The following ANKRD13A variants were observed in gnomAD, a reference collection of about 807,000 sequenced individuals.
ANKRD13A encodes ankyrin repeat domain 13A, also known as ankyrin repeat domain-containing protein 13A.
ANKRD13A carries 48 observed loss-of-function variants against 81.3 expected under a neutral mutation model. That is an observed-to-expected ratio of 0.59 (90% confidence interval 0.47 to 0.75). ANKRD13A has a LOEUF of 0.75. Ranked by LOEUF, ANKRD13A falls within the 30% of genes least tolerant of loss-of-function variation. The pLI, the probability that ANKRD13A is intolerant of heterozygous loss-of-function variation, is 0.00. For synonymous variants in ANKRD13A, 230 were observed against 270.1 expected (o/e 0.85, Z 1.45); for missense variants, 612 against 734.0 (o/e 0.83, Z 1.92).
chr12:110,014,785 T>G (rs1593207551), intron 3 of ANKRD13A, among the ~76,000 whole-genome samples: 1 of 145,348 alleles, frequency 6.9e-6, no homozygotes, highest in Non-Finnish European at 1.5e-5. Context: ...CTAGCATTTC[T>G]CTTCTTTTTT....
At position 110,036,361 on chromosome 12, in the gene ANKRD13A, G is replaced by C. The variant is rs556720607; in HGVS notation, c.1577+33G>C. 6.2e-7 allele frequency: 1 copy of C among 1,607,680 alleles called. No homozygotes were observed. The highest frequency in any genetic ancestry group is 1.1e-5 in the South Asian group (1 of 90,908). Reference sequence around the variant, plus strand: ...ACTGACGTGACTCTGGAATAAACCAGGGTGAACACAGGCCTGGACACAGGC... The same window carrying C: ...ACTGACGTGACTCTGGAATAAACCACGGTGAACACAGGCCTGGACACAGGC... On this transcript the variant is annotated intron_variant, in intron 14 of 14. Coordinates refer to ENST00000261739, the MANE Select transcript of ANKRD13A (RefSeq NM_033121.2). The surrounding 1 kb of genome is among the most constrained non-coding windows in gnomAD (Gnocchi z 4.6).
In ANKRD13A at chr12:110,028,500, CT is replaced by C; in HGVS notation, c.946-11del. 1 of 1,613,812 alleles carries C rather than the reference CT, an allele frequency of 6.2e-7. No individual in the cohort carries two copies. Among genetic ancestry groups the C allele is most frequent in the African/African-American group, 1.3e-5 (1 of 75,044 alleles). ...TTGGCATTTCTGACTCTCCTGAGTT[CT>C]GGCTCAGCAGGACCTCACCACGGAA... On this transcript the variant is annotated splice_polypyrimidine_tract_variant and intron_variant, in intron 9 of 14. Coordinates refer to ENST00000261739, the MANE Select transcript of ANKRD13A (RefSeq NM_033121.2).
intron 1 of ANKRD13A, among the ~76,000 whole-genome samples, chr12:110,002,784 G>A (rs1001996126): frequency 9.2e-5 from 14 of 152,048 alleles, no homozygotes; most frequent in African/African-American, 3.1e-4. Context: ...TTTTTTCCAG[G>A]TTTTTTGTTC....
chr12:110,015,523 A>G lies in ANKRD13A; in HGVS notation c.355-865A>G, dbSNP rs567035920. On this transcript the variant is annotated intron_variant, in intron 3 of 14. Coordinates refer to ENST00000261739, the MANE Select transcript of ANKRD13A (RefSeq NM_033121.2). ...CAGGTTTGACTTTTATCCCCCTCCA[A>G]TCCTCTTATTCTCTTGCTTTCTGTT... Among the ~76,000 whole-genome samples, 4 of 152,072 alleles carry G rather than the reference A, an allele frequency of 2.6e-5. No homozygotes were observed. The South Asian group carries it at 8.3e-4, about 32-fold the overall frequency.
chr12:110,019,281 C>A lies in ANKRD13A; in HGVS notation c.687C>A (p.Ser229Arg). 1 of 1,613,834 alleles carries A rather than the reference C, an allele frequency of 6.2e-7. No homozygotes were observed. Among genetic ancestry groups the A allele is most frequent in the Non-Finnish European group, 8.5e-7 (1 of 1,179,794 alleles). The change falls in exon 6 of 15, where the codon AGC becomes AGA. Residue 229 changes from serine to arginine, a missense_variant. Physicochemically the swap from Ser to Arg is moderately radical, Grantham distance 110. Transcript: ENST00000261739. The part of the protein sequence containing the change: ...KSREVERRLT[S>R]PVINTSLDTK... ...GGGAAGTTGAGCGGCGGCTCACAAGCCCTGTCATTAACACCAGCCTCGATA... is the reference window on the plus strand; with the variant it reads ...GGGAAGTTGAGCGGCGGCTCACAAGACCTGTCATTAACACCAGCCTCGATA...
At chr12:110,009,392 T>C (rs1384965652) in intron 1 of ANKRD13A, among the ~76,000 whole-genome samples, 2 of 152,298 alleles carry the variant, frequency 1.3e-5, no homozygotes, top group Admixed American at 6.5e-5. Context: ...ATAGTTTTCT[T>C]TTATAATCCT....
rs755127508 is a variant in ANKRD13A, at chr12:110,025,826, A to G, written c.883+3A>G. On this transcript the variant is annotated splice_donor_region_variant and intron_variant, in intron 8 of 14. Coordinates refer to ENST00000261739, the MANE Select transcript of ANKRD13A (RefSeq NM_033121.2). The stretch of plus-strand genomic sequence containing the variant: ...GGAGGAAAAAAAGAGATATAAAGGT[A>G]ATCACCACCACCCTCCCACCTCCTG... The G allele has an allele frequency of 3.2e-5, 51 of 1,612,006 alleles. No individual in the cohort carries two copies. In the East Asian group the frequency reaches 1.0e-3, roughly 32 times the overall value.
intron 1 of ANKRD13A, among the ~76,000 whole-genome samples, chr12:110,010,944 A>T (rs543099571): frequency 6.6e-6 from 1 of 152,288 alleles, no homozygotes; most frequent in East Asian, 1.9e-4. Flanking sequence ...TATGGCATTT[A>T]AAAAGTTTTT....
chr12:110,035,202 C>A (rs1168875220), intron 13 of ANKRD13A, among the ~76,000 whole-genome samples: 1 of 152,214 alleles, frequency 6.6e-6, no homozygotes, highest in Non-Finnish European at 1.5e-5. Flanking sequence ...TAGCTCCCCC[C>A]GCCAGCTCCC....
At chr12:110,020,999 G>GA in intron 6 of ANKRD13A, 1 of 364,132 alleles carries the variant, frequency 2.7e-6, no homozygotes, top group Non-Finnish European at 5.7e-6. Context: ...GATTTGTGAA[G>GA]AGAGGGTGAC....
chr12:109,999,489 C>A lies in ANKRD13A; in HGVS notation c.-200C>A. 1 of 282,100 alleles carries A rather than the reference C, an allele frequency of 3.5e-6. No homozygotes were observed. The highest frequency in any genetic ancestry group is 1.6e-4 in the South Asian group (1 of 6,070). 17.5% of individuals were successfully genotyped at this position (282,100 alleles called of 1,614,324 possible). On this transcript the variant is annotated 5_prime_UTR_variant, in exon 1 of 15. Coordinates refer to ENST00000261739, the MANE Select transcript of ANKRD13A (RefSeq NM_033121.2). This position sits in a 1 kb window ranked among gnomAD's most constrained non-coding sequence, Gnocchi z 4.3. ...AACGCCGCGGGGCGCGGGGTGGGCGCGGCCGACCTGGTCCCTGAGCCGGCC... is the reference window on the plus strand; with the variant it reads ...AACGCCGCGGGGCGCGGGGTGGGCGAGGCCGACCTGGTCCCTGAGCCGGCC...
chr12:110,012,057 C>G lies in ANKRD13A; in HGVS notation c.149C>G (p.Ser50Cys). 1 of 1,613,438 alleles carries G rather than the reference C, an allele frequency of 6.2e-7. No individual in the cohort carries two copies. The highest frequency in any genetic ancestry group is 8.5e-7 in the Non-Finnish European group (1 of 1,179,426). The part of the protein sequence containing the change: ...RGRTLLHLAV[S>C]LGHLESARVL... Reference sequence around the variant, plus strand: ...CGAACATTATTGCATCTTGCTGTTTCCTTGGGACATTTGGAATCTGCTCGA... The same window carrying G: ...CGAACATTATTGCATCTTGCTGTTTGCTTGGGACATTTGGAATCTGCTCGA... Residue 50 changes from serine to cysteine, a missense_variant, in exon 2 of 15, where the codon TCC becomes TGC. Ser to Cys is a moderately radical substitution (Grantham distance 112, BLOSUM62 -1). Transcript: ENST00000261739.
chr12:110,030,308 A>G (rs1459919575), intron 11 of ANKRD13A, among the ~76,000 whole-genome samples: 1 of 152,042 alleles, frequency 6.6e-6, no homozygotes, highest in Non-Finnish European at 1.5e-5. Flanking sequence ...CTGGGATTAT[A>G]GGCATGCATC....
Position 109,999,609 on chromosome 12 carries a change from G to T in ANKRD13A, c.-80G>T. ...CGCTCGCTTGCTCGCCGGCCTCAGG[G>T]CAGGCAGGCGGGCGCGGGAGACCCC... On this transcript the variant is annotated 5_prime_UTR_variant, in exon 1 of 15. Transcript: ENST00000261739. The surrounding 1 kb of genome is among the most constrained non-coding windows in gnomAD (Gnocchi z 4.3). 1.6e-6 allele frequency: 2 copies of T among 1,225,630 alleles called. No individual in the cohort carries two copies. Among genetic ancestry groups the T allele is most frequent in the Non-Finnish European group, 2.2e-6 (2 of 899,464 alleles). 75.9% of individuals were successfully genotyped at this position (1,225,630 alleles called of 1,614,324 possible).
In ANKRD13A at chr12:110,018,652, G is replaced by A. The variant is rs1026785188; in HGVS notation, c.544+164G>A. Among the ~76,000 whole-genome samples, 24 of 152,046 alleles carry A rather than the reference G, an allele frequency of 1.6e-4. No individual in the cohort carries two copies. The highest frequency in any genetic ancestry group is 4.8e-4 in the African/African-American group (20 of 41,466). On this transcript the variant is annotated intron_variant, in intron 5 of 14. Coordinates refer to ENST00000261739, the MANE Select transcript of ANKRD13A (RefSeq NM_033121.2). This position sits in a 1 kb window ranked among gnomAD's most constrained non-coding sequence, Gnocchi z 4.4. ...TATTCAGCTCTCCATCCCTGTCTTC[G>A]TTCTTGTCTGGCTAGCTCTCCTTCA...
chr12:110,017,681 C>T (rs918381419), intron 4 of ANKRD13A, among the ~76,000 whole-genome samples: 4 of 152,052 alleles, frequency 2.6e-5, no homozygotes, highest in African/African-American at 9.7e-5. Flanking sequence ...TGCCTGTAAT[C>T]CCAGCACTTT....
chr12:110,035,787 G>A (rs1892009359), intron 13 of ANKRD13A, among the ~76,000 whole-genome samples: 1 of 152,094 alleles, frequency 6.6e-6, no homozygotes, highest in Non-Finnish European at 1.5e-5. Context: ...ATGGTGGTGT[G>A]CACCTGTATT....
At chr12:110,000,378 G>A (rs1011442056) in intron 1 of ANKRD13A, among the ~76,000 whole-genome samples, 2 of 152,156 alleles carry the variant, frequency 1.3e-5, no homozygotes, top group African/African-American at 4.8e-5. Context: ...TCCAGGTGCC[G>A]CATTTTTAAC....
intron 2 of ANKRD13A, 59 bp from the exon 3 acceptor site, chr12:110,013,066 C>T (rs1890609802): frequency 6.3e-7 from 1 of 1,592,500 alleles, no homozygotes; most frequent in Admixed American, 1.7e-5. Flanking sequence ...ACTTTTTCAG[C>T]CTGGTTTTGG....
Sources: allele counts gnomAD v4.1 joint callset (sites outside exome capture counted in the v4.1 genomes callset), GRCh38; gene constraint gnomAD v4.1.1; non-coding constraint Gnocchi (gnomAD v3.1); transcripts MANE v1.5; gene names NCBI Gene and HGNC (gene_info 2026-07-23, HGNC 2026-07-21).